The following SFMBT1 variants were observed in gnomAD, a reference collection of about 807,000 sequenced individuals.
SFMBT1 encodes scm-like with four MBT domains protein 1.
A neutral mutation model predicts 108.7 loss-of-function variants in SFMBT1; 32 were observed. The ratio of observed to expected loss-of-function variants is 0.29; its 90% CI spans 0.22 to 0.40. The LOEUF is 0.40. SFMBT1 is among the 10% of genes least tolerant of loss of function. The probability of loss-of-function intolerance (pLI) is 1.00; values close to 1 mark genes in which losing one functional copy is unlikely to be tolerated. For synonymous variants in SFMBT1, 348 were observed against 369.5 expected, an observed-to-expected ratio of 0.94 and a Z score of 0.67; for missense variants, 816 against 1,059.6, an observed-to-expected ratio of 0.77 and a Z score of 3.19.
At chr3:52,924,399 C>G (rs1473555244) in intron 10 of SFMBT1, among the ~76,000 whole-genome samples, 1 of 151,942 alleles carries the variant, frequency 6.6e-6, no homozygotes. Flanking sequence ...CCCAGCACTA[C>G]GGGAGGCTGA....
chr3:52,953,268 C>T (rs1703654636), intron 3 of SFMBT1, among the ~76,000 whole-genome samples: 1 of 152,108 alleles, frequency 6.6e-6, no homozygotes, highest in Non-Finnish European at 1.5e-5. Flanking sequence ...GAGTTTAAGA[C>T]TGGCCGACAT....
At chr3:52,967,330 A>T (rs921029777) in intron 2 of SFMBT1, among the ~76,000 whole-genome samples, 1 of 152,176 alleles carries the variant, frequency 6.6e-6, no homozygotes, top group Non-Finnish European at 1.5e-5. Flanking sequence ...AAGGATGAAA[A>T]AGATATACCA....
intron 11 of SFMBT1, among the ~76,000 whole-genome samples, chr3:52,921,264 G>A (rs541689445): frequency 1.3e-5 from 2 of 152,144 alleles, no homozygotes; most frequent in African/African-American, 2.4e-5. Flanking sequence ...GAGTACTCAC[G>A]CAGCGCCTTG....
At chr3:52,907,348 C>G (rs1184182892) in intron 18 of SFMBT1, 34 bp from the exon 19 acceptor site, 5 of 1,582,704 alleles carry the variant, frequency 3.2e-6, no homozygotes, top group Admixed American at 3.7e-5. Context: ...CATTGAAATT[C>G]AGGACATCAA....
At chr3:53,001,540 G>A (rs1461355228) in intron 1 of SFMBT1, among the ~76,000 whole-genome samples, 1 of 149,970 alleles carries the variant, frequency 6.7e-6, no homozygotes, top group Non-Finnish European at 1.5e-5. Context: ...GTAGATGGCA[G>A]CTCACATTTA....
chr3:53,020,219 T>A (rs1699260996), intron 1 of SFMBT1, among the ~76,000 whole-genome samples: 1 of 151,780 alleles, frequency 6.6e-6, no homozygotes, highest in Admixed American at 6.6e-5. Context: ...TGAAACCCCG[T>A]CTCTACTAAA....
At chr3:52,925,049 C>T (rs2106785632) in intron 10 of SFMBT1, among the ~76,000 whole-genome samples, 1 of 152,114 alleles carries the variant, frequency 6.6e-6, no homozygotes, top group Middle Eastern at 3.4e-3. Context: ...GGTGAAACCT[C>T]ATCTCTACTA....
chr3:52,929,491 G>A (rs1023200416), intron 8 of SFMBT1, among the ~76,000 whole-genome samples: 1 of 151,888 alleles, frequency 6.6e-6, no homozygotes, highest in African/African-American at 2.4e-5. Context: ...TGCCTGCCCC[G>A]GCGTCCCAAA....
chr3:52,966,143 C>T (rs1480740791), intron 2 of SFMBT1, among the ~76,000 whole-genome samples: 1 of 145,740 alleles, frequency 6.9e-6, no homozygotes, highest in Non-Finnish European at 1.5e-5. Flanking sequence ...GGGTGAAACC[C>T]CGTCTCTACT....
chr3:53,012,290 A>G (rs1031645773), intron 1 of SFMBT1, among the ~76,000 whole-genome samples: 5 of 152,232 alleles, frequency 3.3e-5, no homozygotes, highest in African/African-American at 1.2e-4. Context: ...GAAGAGAAGG[A>G]CAGATACAAA....
chr3:52,999,602 G>A (rs1698467664), intron 1 of SFMBT1, among the ~76,000 whole-genome samples: 1 of 150,306 alleles, frequency 6.7e-6, no homozygotes, highest in African/African-American at 2.4e-5. Context: ...GAAGACAGGA[G>A]TTCGTGTCCT....
chr3:52,954,549 T>G (rs1703717531), intron 2 of SFMBT1, 138 bp from the exon 3 acceptor site: 2 of 668,410 alleles, frequency 3.0e-6, no homozygotes, highest in Non-Finnish European at 2.5e-6. Context: ...AGTGGGGTTT[T>G]GTTTTGTTTT....
At chr3:52,952,720 A>C (rs1703635109) in intron 3 of SFMBT1, among the ~76,000 whole-genome samples, 1 of 152,196 alleles carries the variant, frequency 6.6e-6, no homozygotes, top group Admixed American at 6.5e-5. Context: ...TAATGGTGCT[A>C]ATCCCATTCA....
At chr3:53,026,129 A>G (rs1453682842) in intron 1 of SFMBT1, among the ~76,000 whole-genome samples, 1 of 152,206 alleles carries the variant, frequency 6.6e-6, no homozygotes, top group African/African-American at 2.4e-5. Context: ...AAAAAATATT[A>G]ACACCATAAA....
chr3:52,911,158 C>G lies in SFMBT1; in HGVS notation c.1751G>C (p.Arg584Pro). The G allele has an allele frequency of 6.2e-7, 1 of 1,610,504 alleles. No individual in the cohort carries two copies. The highest frequency in any genetic ancestry group is 2.2e-5 in the East Asian group (1 of 44,848). Residue 584 changes from arginine (R) to proline (P), a missense_variant, in exon 17 of 21, where the codon CGG becomes CCG. This residue lies in a region of SFMBT1 where 79 missense variants were observed against 120.8 expected (regional missense o/e 0.65). Coordinates refer to ENST00000394752, the MANE Select transcript of SFMBT1 (RefSeq NM_016329.4). ...LKAKYKGKSY[R>P]ATVEIVKTAD... ...TGTTTTCACTATCTCAACAGTAGCC[C>G]GATAACTCTTTCCTTTATATCTGCC...
At chr3:52,914,747 A>C (rs780260497) in intron 14 of SFMBT1, among the ~76,000 whole-genome samples, 1 of 152,168 alleles carries the variant, frequency 6.6e-6, no homozygotes, top group Non-Finnish European at 1.5e-5. Context: ...CTGTCTCAAA[A>C]CAAAACAAAA....
chr3:52,999,871 T>C (rs1297729756), intron 1 of SFMBT1, among the ~76,000 whole-genome samples: 1 of 150,182 alleles, frequency 6.7e-6, no homozygotes, highest in Non-Finnish European at 1.5e-5. Context: ...TTTTGCTTTT[T>C]TTTTGGAGAC....
chr3:52,982,598 A>G (rs2106880531), intron 1 of SFMBT1, among the ~76,000 whole-genome samples: 1 of 152,046 alleles, frequency 6.6e-6, no homozygotes, highest in Non-Finnish European at 1.5e-5. Flanking sequence ...ACATGGTGGC[A>G]TATGCCTGTA....
chr3:52,988,763 A>C (rs1449889858), intron 1 of SFMBT1, among the ~76,000 whole-genome samples: 2 of 152,216 alleles, frequency 1.3e-5, no homozygotes, highest in African/African-American at 4.8e-5. Flanking sequence ...TGAGGAAAAA[A>C]ACCAGCCTAG....
Sources: gnomAD v4.1 joint callset for allele counts (sites outside exome capture counted in the v4.1 genomes callset) on GRCh38, gnomAD v4.1.1 for gene constraint, gnomAD v4.1.1 regional missense constraint, MANE v1.5 for transcripts, NCBI Gene and HGNC (gene_info 2026-07-23, HGNC 2026-07-21) for gene names.